C3orf70: variants seen among roughly 807,000 people sequenced by gnomAD.
C3orf70 encodes the protein UPF0524 protein C3orf70.
Under a neutral mutation model 20.7 loss-of-function variants are expected in C3orf70, and 15 were observed. That is an observed-to-expected ratio of 0.72 (90% confidence interval 0.48 to 1.11). The LOEUF is 1.11. Ranked by LOEUF, C3orf70 falls within the 50% of genes most tolerant of loss-of-function variation. The pLI is 0.00. For synonymous variants in C3orf70, 161 were observed against 125.7 expected (o/e 1.28, Z -1.88); for missense variants, 332 against 317.6 (o/e 1.05, Z -0.34).
chr3:185,123,561 A>G (rs1335877190), intron 1 of C3orf70, among the ~76,000 whole-genome samples: 1 of 150,614 alleles, frequency 6.6e-6, no homozygotes, highest in Non-Finnish European at 1.5e-5. Context: ...ACTGGACTTG[A>G]ACTCCTAGGC....
chr3:185,089,484 C>G (rs1715521303), intron 1 of C3orf70, among the ~76,000 whole-genome samples: 1 of 152,124 alleles, frequency 6.6e-6, no homozygotes, highest in Non-Finnish European at 1.5e-5. Context: ...CCAAGGAGCC[C>G]TAGTTCCTTT....
chr3:185,152,593 C>T, intron 1 of C3orf70, 35 bp downstream of exon 1: 1 of 1,516,406 alleles, frequency 6.6e-7, no homozygotes, highest in Non-Finnish European at 8.8e-7. Flanking sequence ...TCCCCCGGAC[C>T]GCGGCGGAAG....
chr3:185,120,524 A>C (rs1716275299), intron 1 of C3orf70, among the ~76,000 whole-genome samples: 1 of 152,170 alleles, frequency 6.6e-6, no homozygotes, highest in Non-Finnish European at 1.5e-5. Context: ...ATTCAAATAA[A>C]TTAGCAAGGA....
intron 1 of C3orf70, among the ~76,000 whole-genome samples, chr3:185,111,762 T>C (rs1350313143): frequency 6.6e-6 from 1 of 152,122 alleles, no homozygotes; most frequent in Non-Finnish European, 1.5e-5. Context: ...TTCTCTTCTA[T>C]CTAATATGTA....
At position 185,083,233 on chromosome 3, in the gene C3orf70, G is replaced by C. The variant is rs1449985407; in HGVS notation, c.527C>G (p.Pro176Arg). Residue 176 changes from proline (P) to arginine (R), a missense_variant, in exon 2 of 2, where the codon CCA (proline) becomes CGA (arginine). Transcript: ENST00000335012. The stretch of plus-strand genomic sequence containing the variant: ...GGGAGAAGAGCAGTGATCTATTTTT[G>C]GTGTATTGCTCTCTTTTGAAATTAA... Reference protein sequence around the residue: ...DALISKESNTPKIDHCSSPSS... With the variant: ...DALISKESNTRKIDHCSSPSS... 2 of 1,614,126 alleles carry C rather than the reference G, an allele frequency of 1.2e-6. No homozygotes were observed.
Position 185,152,838 on chromosome 3 carries a change from C to A in C3orf70, c.-15G>T. 6.6e-7 allele frequency: 1 copy of A among 1,515,916 alleles called. No homozygotes were observed. Among genetic ancestry groups the A allele is most frequent in the Admixed American group, 2.0e-5 (1 of 50,816 alleles). The allele number at this position is 1,515,916 out of a possible 1,614,324, so 93.9% of individuals were successfully genotyped here. ...GCCGCACTCATTTCCTCTCCCTCCG[C>A]GCGGAGCCGACACCGGGAGCCCGGG... On this transcript the variant is annotated 5_prime_UTR_variant, in exon 1 of 2. Transcript: ENST00000335012.
At chr3:185,085,375 C>A (rs950575694) in intron 1 of C3orf70, among the ~76,000 whole-genome samples, 2 of 151,994 alleles carry the variant, frequency 1.3e-5, no homozygotes, top group Non-Finnish European at 2.9e-5. Flanking sequence ...ATCAAGCCTG[C>A]TTATATTTTT....
At position 185,081,337 on chromosome 3, in the gene C3orf70, C is replaced by G. The variant is rs1263244403; in HGVS notation, c.*1670G>C. 2 of 152,092 alleles carry G rather than the reference C, an allele frequency of 1.3e-5. No homozygotes were observed. Among genetic ancestry groups the G allele is most frequent in the Non-Finnish European group, 2.9e-5 (2 of 68,062 alleles). 9.4% of individuals were successfully genotyped at this position (152,092 alleles called of 1,614,324 possible). A position where few individuals can be genotyped will look rare whatever the true frequency, so the allele number is the denominator to read the frequency against. ...GCTGAGGCAGGAGAATCGCTTGACC[C>G]CAGGAGGCAGAGGTTGTAGAGAGCC... On this transcript the variant is annotated 3_prime_UTR_variant, in exon 2 of 2. Transcript: ENST00000335012.
intron 1 of C3orf70, among the ~76,000 whole-genome samples, chr3:185,110,873 T>C (rs964868662): frequency 1.3e-5 from 2 of 152,226 alleles, no homozygotes; most frequent in African/African-American, 2.4e-5. Context: ...ATAGAAACAA[T>C]GCGAATGGCT....
intron 1 of C3orf70, among the ~76,000 whole-genome samples, chr3:185,094,085 T>G (rs889561225): frequency 1.4e-5 from 2 of 143,380 alleles, no homozygotes; most frequent in African/African-American, 5.3e-5. Context: ...TTTTTTTTTT[T>G]TTTTTTTTTT....
At chr3:185,097,844 C>T (rs924423559) in intron 1 of C3orf70, among the ~76,000 whole-genome samples, 4 of 152,186 alleles carry the variant, frequency 2.6e-5, no homozygotes, top group Admixed American at 1.3e-4. Flanking sequence ...CTAAGACATT[C>T]GGCACTGGGT....
At chr3:185,104,585 T>C (rs1715887293) in intron 1 of C3orf70, among the ~76,000 whole-genome samples, 2 of 152,088 alleles carry the variant, frequency 1.3e-5, no homozygotes, top group African/African-American at 2.4e-5. Context: ...CAAATGCCCA[T>C]CAATGATAGA....
intron 1 of C3orf70, among the ~76,000 whole-genome samples, chr3:185,144,009 C>CACAT (rs1553922119): frequency 2.0e-5 from 3 of 150,866 alleles, no homozygotes; most frequent in African/African-American, 7.4e-5. Context: ...CACACACACA[C>CACAT]ACTCAACACA....
intron 1 of C3orf70, among the ~76,000 whole-genome samples, chr3:185,115,670 C>A (rs1215332638): frequency 2.0e-5 from 3 of 152,176 alleles, no homozygotes; most frequent in African/African-American, 7.2e-5. Flanking sequence ...AAGACAGTGT[C>A]TTAATCACTT....
chr3:185,111,579 T>C (rs1049336993), intron 1 of C3orf70, among the ~76,000 whole-genome samples: 3 of 152,140 alleles, frequency 2.0e-5, no homozygotes, highest in Non-Finnish European at 2.9e-5. Flanking sequence ...ATAAAAACGG[T>C]TGGCAAGACT....
chr3:185,092,449 C>T (rs1460712853), intron 1 of C3orf70, among the ~76,000 whole-genome samples: 1 of 152,092 alleles, frequency 6.6e-6, no homozygotes, highest in African/African-American at 2.4e-5. Context: ...CCTCACCTCC[C>T]CCCAAACCCT....
intron 1 of C3orf70, among the ~76,000 whole-genome samples, chr3:185,143,953 T>C (rs969844857): frequency 4.7e-5 from 7 of 148,886 alleles, no homozygotes; most frequent in African/African-American, 1.7e-4. Flanking sequence ...GGAGTAAGAA[T>C]TGGAGCAAAA....
intron 1 of C3orf70, among the ~76,000 whole-genome samples, chr3:185,090,903 C>A (rs977296996): frequency 2.0e-5 from 3 of 152,160 alleles, no homozygotes; most frequent in Non-Finnish European, 2.9e-5. Flanking sequence ...TATGCAAGAT[C>A]CTAGTTCCTT....
At chr3:185,088,360 TG>T (rs1360725444) in intron 1 of C3orf70, among the ~76,000 whole-genome samples, 2 of 152,214 alleles carry the variant, frequency 1.3e-5, no homozygotes, top group Admixed American at 6.5e-5. Flanking sequence ...AGAGTAAGAC[TG>T]AGGTATCTTT....
Sources: allele counts gnomAD v4.1 joint callset (sites outside exome capture counted in the v4.1 genomes callset), GRCh38; gene constraint gnomAD v4.1.1; transcripts MANE v1.5; gene names NCBI Gene and HGNC (gene_info 2026-07-23, HGNC 2026-07-21).